The following DCHS2 variants were observed in gnomAD, a reference collection of about 807,000 sequenced individuals.
The protein encoded by DCHS2 is dachsous cadherin-related 2.
Under a neutral mutation model 182.4 loss-of-function variants are expected in DCHS2, and 142 were observed. That is an observed-to-expected ratio of 0.78 (90% CI 0.68 to 0.89). DCHS2 has a LOEUF of 0.89. DCHS2 is among the 40% of genes least tolerant of loss of function. The probability of loss-of-function intolerance (pLI) is 0.00; values close to 1 mark genes in which losing one functional copy is unlikely to be tolerated. For synonymous variants in DCHS2, 1,740 were observed against 1,663.3 expected (o/e 1.05, Z -1.12); for missense variants, 4,319 against 4,198.6 (o/e 1.03, Z -0.79).
intron 12 of DCHS2, among the ~76,000 whole-genome samples, chr4:154,301,729 C>T (rs1008354046): frequency 6.6e-6 from 1 of 152,118 alleles, no homozygotes; most frequent in African/African-American, 2.4e-5. Context: ...AAATTAACTC[C>T]AGACCTCAGG....
intron 3 of DCHS2, among the ~76,000 whole-genome samples, chr4:154,351,227 A>AAAGATGGTCTTTT: frequency 6.6e-6 from 1 of 152,328 alleles, no homozygotes; most frequent in East Asian, 1.9e-4. Context: ...GTATGTACCA[A>AAAGATGGTCTTTT]AAGATGGTCC....
At chr4:154,475,258 T>G (rs1735638140) in intron 1 of DCHS2, among the ~76,000 whole-genome samples, 1 of 152,178 alleles carries the variant, frequency 6.6e-6, no homozygotes, top group Non-Finnish European at 1.5e-5. Context: ...GGGGCAAAAC[T>G]GTAATTTAAA....
chr4:154,275,236 CA>C (rs970698401), intron 13 of DCHS2, among the ~76,000 whole-genome samples: 4 of 150,150 alleles, frequency 2.7e-5, no homozygotes, highest in East Asian at 2.0e-4. Context: ...AAAGCTCAGT[CA>C]AAAAAAAGGG....
rs1402044372 is a variant in DCHS2, at chr4:154,235,241, C to CTTT, written c.9410_9411insAAA (p.Arg3137_Asp3138insLys). The CTTT allele has an allele frequency of 5.6e-6, 9 of 1,614,038 alleles. No homozygotes were observed. In the Admixed American group the frequency reaches 1.5e-4, roughly 27 times the overall value. ...ATAGGCAGGAGAGCTGGTCTGAGTC[C>CTTT]CTCGGGATACCCGAGTCTGGCACCC... On this transcript the variant is annotated inframe_insertion, in exon 20 of 20. Transcript: ENST00000357232.
At chr4:154,314,112 A>G (rs1735764318) in intron 10 of DCHS2, among the ~76,000 whole-genome samples, 1 of 152,220 alleles carries the variant, frequency 6.6e-6, no homozygotes, top group Non-Finnish European at 1.5e-5. Flanking sequence ...ATTACAAAAA[A>G]ATAAAATTCA....
intron 3 of DCHS2, among the ~76,000 whole-genome samples, chr4:154,350,310 C>T (rs761343659): frequency 2.0e-5 from 3 of 152,220 alleles, no homozygotes; most frequent in South Asian, 2.1e-4. Context: ...TTAGATTATA[C>T]ATCTAACAAC....
At chr4:154,259,928 T>C (rs1732899519) in intron 14 of DCHS2, among the ~76,000 whole-genome samples, 172 bp from the exon 15 acceptor site, 1 of 152,172 alleles carries the variant, frequency 6.6e-6, no homozygotes, top group Admixed American at 6.5e-5. Flanking sequence ...GTTCAAGCGA[T>C]TCTCCTGCCT....
intron 3 of DCHS2, among the ~76,000 whole-genome samples, chr4:154,362,265 G>T (rs1445208951): frequency 1.3e-5 from 2 of 152,090 alleles, no homozygotes; most frequent in African/African-American, 4.8e-5. Context: ...AGTCTAGGGA[G>T]AGTTTTGAGG....
rs1251274442 is a variant in DCHS2, at chr4:154,305,101, A to G, written c.5391T>C (p.Leu1797=). The change falls in exon 11 of 20, where the codon CTT becomes CTC. Residue 1797 remains leucine, a synonymous_variant. Coordinates refer to ENST00000357232, the MANE Select transcript of DCHS2 (RefSeq NM_001358235.2). The part of the protein sequence containing the change: ...LDREIQEVFT[L]RVLVRDGGFP... ...CCTACTCAAAGAATCCCTTACCTCGAAGGGTGAAGACTTCTTGAATTTCTC... is the reference window on the plus strand; with the variant it reads ...CCTACTCAAAGAATCCCTTACCTCGGAGGGTGAAGACTTCTTGAATTTCTC... The G allele has an allele frequency of 1.9e-6, 3 of 1,604,770 alleles. No individual in the cohort carries two copies. The African/African-American group carries it at 4.0e-5, about 22-fold the overall frequency.
At chr4:154,417,990 A>G (rs528362625) in intron 1 of DCHS2, among the ~76,000 whole-genome samples, 3 of 152,196 alleles carry the variant, frequency 2.0e-5, no homozygotes, top group Non-Finnish European at 4.4e-5. Flanking sequence ...AAAAGTGAAC[A>G]ATCCTTAAAT....
rs1735367897 is a variant in DCHS2, at chr4:154,304,653, A to AAACC, written c.5605+15_5605+16insGGTT. The AAACC allele has an allele frequency of 6.3e-7, 1 of 1,591,138 alleles. No homozygotes were observed. The highest frequency in any genetic ancestry group is 1.3e-5 in the African/African-American group (1 of 74,092). On this transcript the variant is annotated intron_variant, in intron 12 of 19. Transcript: ENST00000357232. ...TAAAAAAACAAACAAACAAACAAACAAACAAACAAACTTACCAATTATGTG... is the reference window on the plus strand; with the variant it reads ...TAAAAAAACAAACAAACAAACAAACAAACCAACAAACAAACTTACCAATTATGTG...
chr4:154,485,103 C>CTT (rs201276679), intron 1 of DCHS2, among the ~76,000 whole-genome samples: 2 of 73,870 alleles, frequency 2.7e-5, no homozygotes, highest in Admixed American at 1.5e-4. Flanking sequence ...GTGTTATGAG[C>CTT]TTTTTTTTTT....
At chr4:154,386,485 C>T (rs923887287) in intron 1 of DCHS2, among the ~76,000 whole-genome samples, 3 of 93,752 alleles carry the variant, frequency 3.2e-5, no homozygotes, top group African/African-American at 1.2e-4. Context: ...ACCTCTGTCT[C>T]ACCTTTTTTT....
intron 1 of DCHS2, among the ~76,000 whole-genome samples, chr4:154,471,464 G>A (rs1199162891): frequency 6.6e-6 from 1 of 152,114 alleles, no homozygotes; most frequent in Non-Finnish European, 1.5e-5. Context: ...TTCAAGGTCA[G>A]CTATAACAAG....
chr4:154,451,410 C>T (rs1209450959), intron 1 of DCHS2, among the ~76,000 whole-genome samples: 3 of 152,132 alleles, frequency 2.0e-5, no homozygotes, highest in Non-Finnish European at 4.4e-5. Flanking sequence ...GTTGGGTGTG[C>T]ATAACAGTAA....
chr4:154,293,853 C>A (rs886646166), intron 13 of DCHS2, among the ~76,000 whole-genome samples: 1 of 152,190 alleles, frequency 6.6e-6, no homozygotes, highest in Non-Finnish European at 1.5e-5. Flanking sequence ...CCAGATGAGA[C>A]GCTTGGTCGC....
chr4:154,421,373 GTTAATTTAAT>G (rs60585355), intron 1 of DCHS2, among the ~76,000 whole-genome samples: 26 of 149,064 alleles, frequency 1.7e-4, no homozygotes, highest in South Asian at 8.7e-4. Flanking sequence ...TCTCATCTGT[GTTAATTTAAT>G]TTAATTTAAT....
intron 1 of DCHS2, among the ~76,000 whole-genome samples, chr4:154,442,997 C>G (rs541182231): frequency 2.6e-5 from 4 of 152,014 alleles, no homozygotes; most frequent in African/African-American, 9.7e-5. Context: ...TACAAACACC[C>G]CAAACTCAAC....
At chr4:154,323,439 C>T in intron 7 of DCHS2, 1 of 1,438,224 alleles carries the variant, frequency 7.0e-7, no homozygotes, top group Non-Finnish European at 9.2e-7. Context: ...AAGCTATCCT[C>T]ACACCTTGGC....
Sources: gnomAD v4.1 joint callset for allele counts (sites outside exome capture counted in the v4.1 genomes callset) on GRCh38, gnomAD v4.1.1 for gene constraint, MANE v1.5 for transcripts, NCBI Gene and HGNC (gene_info 2026-07-23, HGNC 2026-07-21) for gene names.